PRDM10: variants seen among roughly 807,000 people sequenced by gnomAD.
PRDM10 encodes the protein PR domain zinc finger protein 10.
Under a neutral mutation model 133.1 loss-of-function variants are expected in PRDM10, and 65 were observed. That is an observed-to-expected ratio of 0.49 (90% CI 0.40 to 0.60). PRDM10 has a LOEUF of 0.60. Among genes scored for constraint, PRDM10 ranks in the 20% least tolerant of loss-of-function variants. The pLI is 0.00. For synonymous variants in PRDM10, 582 were observed against 580.4 expected (o/e 1.00, Z -0.04); for missense variants, 1,137 against 1,507.1 (o/e 0.75, Z 4.07).
At chr11:129,930,789 G>T (rs12272084) in intron 11 of PRDM10, among the ~76,000 whole-genome samples, 1 of 152,126 alleles carries the variant, frequency 6.6e-6, no homozygotes, top group Non-Finnish European at 1.5e-5. Flanking sequence ...CCTCTGTGTC[G>T]TCACTAAATT....
chr11:129,981,345 G>C (rs953344548), intron 1 of PRDM10, among the ~76,000 whole-genome samples: 2 of 152,110 alleles, frequency 1.3e-5, no homozygotes, highest in African/African-American at 4.8e-5. Flanking sequence ...CCATTCCCTA[G>C]ATATTGCCAT....
In PRDM10 at chr11:129,914,870, G is replaced by A. The variant is rs1472350698; in HGVS notation, c.2675C>T (p.Thr892Met). The A allele has an allele frequency of 6.8e-6, 11 of 1,614,154 alleles. No homozygotes were observed. The highest frequency in any genetic ancestry group is 1.1e-5 in the South Asian group (1 of 91,086). Reference protein sequence around the residue: ...DSATGETVVTTDLLTQAMTEL... With the variant: ...DSATGETVVTMDLLTQAMTEL... The stretch of plus-strand genomic sequence containing the variant: ...TGTCATTGCTTGGGTGAGCAGGTCC[G>A]TCGTCACCACAGTCTCTCCAGTGGC... The change falls in exon 17 of 21, where the codon ACG (threonine) becomes ATG (methionine). Residue 892 changes from threonine to methionine, a missense_variant. Around this residue, in one of 6 missense-constraint regions of PRDM10, gnomAD observed 113 missense variants for 143.7 expected, o/e 0.79. Coordinates refer to ENST00000360871, the MANE Select transcript of PRDM10 (RefSeq NM_199437.2).
intron 6 of PRDM10, among the ~76,000 whole-genome samples, chr11:129,943,197 A>G (rs1333487560): frequency 6.6e-6 from 1 of 152,176 alleles, no homozygotes; most frequent in African/African-American, 2.4e-5. Flanking sequence ...GGGCAGAAAC[A>G]AAAGGGTCAG....
intron 1 of PRDM10, among the ~76,000 whole-genome samples, chr11:129,967,666 T>G (rs1373123061): frequency 6.6e-6 from 1 of 152,118 alleles, no homozygotes; most frequent in Admixed American, 6.6e-5. Flanking sequence ...CCCAGAGAAC[T>G]CACAATCTAG....
chr11:129,995,564 AC>A (rs1210911681), intron 1 of PRDM10, among the ~76,000 whole-genome samples: 3 of 152,230 alleles, frequency 2.0e-5, no homozygotes, highest in African/African-American at 7.2e-5. Flanking sequence ...ACTGAAAATA[AC>A]CCCCAATAAA....
chr11:129,901,483 A>T lies in PRDM10; in HGVS notation c.*830T>A, dbSNP rs1269019800. On this transcript the variant is annotated 3_prime_UTR_variant, in exon 21 of 21. Transcript: ENST00000360871. ...TCTCTCTCTCTCAATAGTTTTGGAA[A>T]TTTTTCTTGGTACCAATATCTCCTT... The T allele has an allele frequency of 2.6e-5, 4 of 152,122 alleles. No homozygotes were observed. Among genetic ancestry groups the T allele is most frequent in the African/African-American group, 9.7e-5 (4 of 41,394 alleles). The allele number at this position is 152,122 out of a possible 1,614,324, so 9.4% of individuals were successfully genotyped here.
chr11:129,960,813 T>G (rs2135923780), intron 2 of PRDM10, 83 bp downstream of exon 2: 1 of 1,406,758 alleles, frequency 7.1e-7, no homozygotes, highest in Non-Finnish European at 1.0e-6. Flanking sequence ...CACTACTAGA[T>G]AGCAGCTGTA....
chr11:129,912,678 G>A (rs1319155646), intron 17 of PRDM10, among the ~76,000 whole-genome samples: 1 of 151,896 alleles, frequency 6.6e-6, no homozygotes, highest in East Asian at 1.9e-4. Context: ...CGTGAACCTG[G>A]GAGGCGGAGC....
chr11:129,979,809 A>G (rs1591687958), intron 1 of PRDM10, among the ~76,000 whole-genome samples: 1 of 151,998 alleles, frequency 6.6e-6, no homozygotes, highest in African/African-American at 2.4e-5. Flanking sequence ...AACTGCCTTC[A>G]CAGCCCTTCA....
intron 20 of PRDM10, 64 bp downstream of exon 20, chr11:129,905,574 A>G: frequency 1.7e-6 from 2 of 1,183,032 alleles, no homozygotes; most frequent in Non-Finnish European, 2.5e-6. Flanking sequence ...ATAAGTGGTG[A>G]TAAGAGTTAC....
chr11:129,911,449 T>C (rs1319465319), intron 18 of PRDM10, among the ~76,000 whole-genome samples: 2 of 152,232 alleles, frequency 1.3e-5, no homozygotes, highest in African/African-American at 2.4e-5. Flanking sequence ...CTCTCCAGCC[T>C]GCCACACTGC....
At chr11:129,967,196 C>T (rs1315555718) in intron 1 of PRDM10, among the ~76,000 whole-genome samples, 2 of 152,070 alleles carry the variant, frequency 1.3e-5, no homozygotes, top group Non-Finnish European at 2.9e-5. Flanking sequence ...CGAGACCAGC[C>T]TGGCCAACAT....
intron 1 of PRDM10, among the ~76,000 whole-genome samples, chr11:129,985,096 A>G (rs1274863202): frequency 6.6e-6 from 1 of 152,176 alleles, no homozygotes; most frequent in Non-Finnish European, 1.5e-5. Context: ...TGTCCCCAGC[A>G]CCTGCAACCA....
At chr11:129,976,139 A>C (rs1181120890) in intron 1 of PRDM10, among the ~76,000 whole-genome samples, 1 of 152,198 alleles carries the variant, frequency 6.6e-6, no homozygotes, top group Non-Finnish European at 1.5e-5. Flanking sequence ...CCTGTGGACT[A>C]TTCCAGCTGC....
At chr11:129,991,714 G>A (rs994000439) in intron 1 of PRDM10, among the ~76,000 whole-genome samples, 52 of 152,082 alleles carry the variant, frequency 3.4e-4, no homozygotes, top group Non-Finnish European at 7.2e-4. Flanking sequence ...AGCTACTCGG[G>A]AGGCTGAGGC....
chr11:129,958,686 A>T (rs1951742506), intron 2 of PRDM10, among the ~76,000 whole-genome samples: 1 of 152,154 alleles, frequency 6.6e-6, no homozygotes, highest in Non-Finnish European at 1.5e-5. Context: ...TCTTTCCTGC[A>T]AGTTGTTTCA....
At chr11:129,971,840 C>T (rs1018549880) in intron 1 of PRDM10, among the ~76,000 whole-genome samples, 6 of 152,254 alleles carry the variant, frequency 3.9e-5, no homozygotes, top group African/African-American at 1.4e-4. Flanking sequence ...TCGCATTCCT[C>T]AGCCCTTGGG....
chr11:129,902,431 G>C lies in PRDM10; in HGVS notation c.3353C>G (p.Pro1118Arg). The C allele has an allele frequency of 6.2e-7, 1 of 1,614,152 alleles. No homozygotes were observed. Among genetic ancestry groups the C allele is most frequent in the Non-Finnish European group, 8.5e-7 (1 of 1,180,020 alleles). ...GGGGTCCAGGGAGTCACTGTGTGCA[G>C]GTGGCTCGACCTGGACTCCACCAGA... ...ALSGGVQVEP[P>R]AHSDSLDPQT... The change falls in exon 21 of 21, where the codon CCT (proline) becomes CGT (arginine). Residue 1118 changes from proline (P) to arginine (R), a missense_variant. Pro to Arg is a moderately radical substitution (Grantham distance 103). Around this residue, in one of 6 missense-constraint regions of PRDM10, gnomAD observed 243 missense variants for 259.2 expected, o/e 0.94. Coordinates refer to ENST00000360871, the MANE Select transcript of PRDM10 (RefSeq NM_199437.2).
rs1217352679 is a variant in PRDM10 at position 129,942,623 on chromosome 11, G to GAGAAA, written c.764_768dup (p.Leu257PhefsTer30). 1 of 1,607,148 alleles carries GAGAAA rather than the reference G, an allele frequency of 6.2e-7. No individual in the cohort carries two copies. The highest frequency in any genetic ancestry group is 1.7e-5 in the Admixed American group (1 of 58,930). On this transcript the variant is annotated frameshift_variant, in exon 7 of 21. Coordinates refer to ENST00000360871, the MANE Select transcript of PRDM10 (RefSeq NM_199437.2). LOFTEE classifies it high-confidence loss of function. The stretch of plus-strand genomic sequence containing the variant: ...CTTTCTTTCCTGTCCCCTTTATCAA[G>GAGAAA]AGAAACCTGCACGAAAAAAAAGCCA...
Sources: gnomAD v4.1 joint callset for allele counts (sites outside exome capture counted in the v4.1 genomes callset) on GRCh38, gnomAD v4.1.1 for gene constraint, gnomAD v4.1.1 regional missense constraint, MANE v1.5 for transcripts, NCBI Gene and HGNC (gene_info 2026-07-23, HGNC 2026-07-21) for gene names.